The following ATAD3B variants were observed in gnomAD, a reference collection of about 807,000 sequenced individuals.
ATAD3B encodes the protein ATPase family AAA domain containing 3B.
Under a neutral mutation model 70.2 loss-of-function variants are expected in ATAD3B, and 59 were observed. That is an observed-to-expected ratio of 0.84 (90% CI 0.68 to 1.04). The LOEUF is 1.04. Ranked by LOEUF, ATAD3B falls within the 50% of genes least tolerant of loss-of-function variation. The pLI, the probability that ATAD3B is intolerant of heterozygous loss-of-function variation, is 0.00. For synonymous variants in ATAD3B, 423 were observed against 388.6 expected, an observed-to-expected ratio of 1.09 and a Z score of -1.04; for missense variants, 961 against 913.4, an observed-to-expected ratio of 1.05 and a Z score of -0.67.
intron 15 of ATAD3B, among the ~76,000 whole-genome samples, chr1:1,495,273 C>T (rs979950190): frequency 1.3e-5 from 2 of 152,100 alleles, no homozygotes; most frequent in African/African-American, 4.8e-5. Flanking sequence ...AACAGCAGTG[C>T]TGAGGACGCA....
intron 15 of ATAD3B, among the ~76,000 whole-genome samples, chr1:1,492,781 A>G (rs1184102548): frequency 5.9e-5 from 9 of 151,752 alleles, no homozygotes; most frequent in Admixed American, 4.6e-4. Context: ...CTACTAAAAA[A>G]TAAAAAAATT....
At chr1:1,487,089 C>T (rs571816166) in intron 11 of ATAD3B, among the ~76,000 whole-genome samples, 123 of 152,146 alleles carry the variant, frequency 8.1e-4, no homozygotes, top group African/African-American at 2.8e-3. Flanking sequence ...ACAGTGACCC[C>T]GCGCAGGGCA....
rs1243943821 is a variant in ATAD3B at position 1,490,650 on chromosome 1, T to C, written c.1593T>C (p.Ala531=). ...AGGGCATGTCGGGCCGGGAGATCGC[T>C]CAGCTGGCCGTGTCCTGGCAGGTGA... ...LTEGMSGREI[A]QLAVSWQATA... Residue 531 remains alanine, a synonymous_variant, in exon 15 of 16, where the codon GCT becomes GCC. Coordinates refer to ENST00000673477, the MANE Select transcript of ATAD3B (RefSeq NM_031921.6). 2 of 1,598,542 alleles carry C rather than the reference T, an allele frequency of 1.3e-6. No individual in the cohort carries two copies. Among genetic ancestry groups the C allele is most frequent in the South Asian group, 1.1e-5 (1 of 88,932 alleles).
rs908059119 is a variant in ATAD3B at position 1,497,750 on chromosome 1, C to G, written c.*1933C>G. 1 of 150,500 alleles carries G rather than the reference C, an allele frequency of 6.6e-6. No homozygotes were observed. Among genetic ancestry groups the G allele is most frequent in the Admixed American group, 6.6e-5 (1 of 15,052 alleles). 9.3% of individuals were successfully genotyped at this position (150,500 alleles called of 1,614,324 possible). On this transcript the variant is annotated 3_prime_UTR_variant, in exon 16 of 16. Transcript: ENST00000673477. ...GCATGGTGGTAGGTGACTGTAATCC[C>G]AGCTACTCGGGAGGCTGAGGCAGGA...
intron 15 of ATAD3B, among the ~76,000 whole-genome samples, chr1:1,492,986 C>A (rs1286014896): frequency 6.6e-6 from 1 of 151,658 alleles, no homozygotes; most frequent in Non-Finnish European, 1.5e-5. Flanking sequence ...TAGCAGGCAC[C>A]TGTAATCCCA....
downstream of ATAD3B, among the ~76,000 whole-genome samples, chr1:1,498,173 G>A (rs190202630): frequency 9.2e-5 from 14 of 152,056 alleles, no homozygotes; most frequent in African/African-American, 3.4e-4. Context: ...CATGGTGGTA[G>A]GTGACTGTAA....
chr1:1,502,307 C>G (rs1411959938), downstream of ATAD3B, among the ~76,000 whole-genome samples: 1 of 151,524 alleles, frequency 6.6e-6, no homozygotes, highest in East Asian at 1.9e-4. Context: ...CTCCGCCTCC[C>G]GGGTTCACGC....
At chr1:1,490,005 G>A in intron 13 of ATAD3B, 2 of 1,346,848 alleles carry the variant, frequency 1.5e-6, no homozygotes, top group East Asian at 3.1e-5. Flanking sequence ...GCTGGGCGAG[G>A]GTCAGCGGGG....
Position 1,496,006 on chromosome 1 carries a change from G to T in ATAD3B, c.*189G>T. ...GGGGCAGGCGGGGTCTTTGTTCTCG[G>T]CTCCCACAGCAGAGCCAGGTGAGGG... is the stretch of plus-strand genomic sequence containing the variant. On this transcript the variant is annotated 3_prime_UTR_variant, in exon 16 of 16. Coordinates refer to ENST00000673477, the MANE Select transcript of ATAD3B (RefSeq NM_031921.6). The T allele has an allele frequency of 7.4e-7, 1 of 1,346,466 alleles. No homozygotes were observed. 83.4% of individuals were successfully genotyped at this position (1,346,466 alleles called of 1,614,324 possible). A position where few individuals can be genotyped will look rare whatever the true frequency, so the allele number is the denominator to read the frequency against.
At chr1:1,490,071 G>A in intron 13 of ATAD3B, 186 bp from the exon 14 acceptor site, 1 of 1,419,040 alleles carries the variant, frequency 7.0e-7, no homozygotes, top group Non-Finnish European at 9.2e-7. Flanking sequence ...GGGCAGCTGG[G>A]CGTGGTGGGG....
downstream of ATAD3B, among the ~76,000 whole-genome samples, chr1:1,502,286 C>T (rs541832564): frequency 6.6e-6 from 1 of 151,544 alleles, no homozygotes; most frequent in African/African-American, 2.4e-5. Context: ...ATAACCTCGG[C>T]TCACTACAAC....
At chr1:1,485,527 C>CT (rs1640160045) in intron 8 of ATAD3B, among the ~76,000 whole-genome samples, 1 of 152,104 alleles carries the variant, frequency 6.6e-6, no homozygotes, top group Admixed American at 6.6e-5. Context: ...TTGCCAGCCC[C>CT]TGAGGTGCCT....
Position 1,490,496 on chromosome 1 carries a change from TC to T in ATAD3B, c.1506-65del, listed in dbSNP as rs766974633. On this transcript the variant is annotated intron_variant, in intron 14 of 15. Transcript: ENST00000673477. ...ATGGGTGTAGGCCAGCTGCCTGTCT[TC>T]CGGCCTCCACCTCATGGTGTGGGGT... 33 of 1,611,136 alleles carry T rather than the reference TC, an allele frequency of 2.0e-5. No homozygotes were observed. The African/African-American group carries it at 3.9e-4, about 19-fold the overall frequency.
In ATAD3B at chr1:1,485,158, G is replaced by A. The variant is rs778926621; in HGVS notation, c.893G>A (p.Arg298Gln). ...CGCATCACGGTGCTGGAGGCGCTGC[G>A]GCACCCCATCCAGGTAGCGGCGCAG... ...TSRITVLEAL[R>Q]HPIQVSRRLL... Residue 298 changes from arginine to glutamine, a missense_variant, in exon 8 of 16, where the codon CGG becomes CAG. Physicochemically the swap from Arg to Gln is conservative, Grantham distance 43 (BLOSUM62 1). This residue lies in a region of ATAD3B where 349 missense variants were observed against 307.5 expected (regional missense o/e 1.14). Transcript: ENST00000673477. The A allele has an allele frequency of 4.0e-5, 65 of 1,610,272 alleles. 1 individual carries two copies. Among genetic ancestry groups the A allele is most frequent in the Middle Eastern group, 2.2e-4 (1 of 4,568 alleles).
At chr1:1,504,949 T>C in the ATAD3B span, among the ~76,000 whole-genome samples, 164 of 150,798 alleles carry the variant, frequency 1.1e-3, no homozygotes, top group Middle Eastern at 0.017. Flanking sequence ...TGTGTGTGTG[T>C]GCGCGCCAGG....
downstream of ATAD3B, among the ~76,000 whole-genome samples, chr1:1,498,057 C>A (rs1640845470): frequency 6.6e-6 from 1 of 151,736 alleles, no homozygotes; most frequent in Non-Finnish European, 1.5e-5. Flanking sequence ...AATCCCAGCA[C>A]TTTGGGAGGC....
chr1:1,481,955 G>A (rs1639927719), intron 5 of ATAD3B, among the ~76,000 whole-genome samples, 183 bp from the exon 6 acceptor site: 1 of 139,336 alleles, frequency 7.2e-6, no homozygotes, highest in South Asian at 2.2e-4. Context: ...GCCGGTCCGT[G>A]GTGCGGGCCT....
chr1:1,495,540 G>T lies in ATAD3B; in HGVS notation c.1670G>T (p.Cys557Phe). 1.2e-6 allele frequency: 2 copies of T among 1,612,922 alleles called. No individual in the cohort carries two copies. Among genetic ancestry groups the T allele is most frequent in the Non-Finnish European group, 1.7e-6 (2 of 1,179,204 alleles). Residue 557 changes from cysteine (C) to phenylalanine (F), a missense_variant, in exon 16 of 16, where the codon TGT (cysteine) becomes TTT (phenylalanine). Physicochemically the swap from Cys to Phe is radical, Grantham distance 205 (BLOSUM62 -2). Transcript: ENST00000673477. ...CTCACTGAGGCCATGATGGACGCCT[G>T]TGTGCAAGATGCTGTCCAGCAGTAC... ...GVLTEAMMDA[C>F]VQDAVQQYRQ...
rs753559374 is a variant in ATAD3B at position 1,486,624 on chromosome 1, C to T, written c.1170C>T (p.Thr390=). 8.7e-6 allele frequency: 14 copies of T among 1,610,500 alleles called. No individual in the cohort carries two copies. In the East Asian group the frequency reaches 8.9e-5, roughly 10 times the overall value. ...DVAPMGREGV[T]AMHKLFDWAN... Reference sequence around the variant, plus strand: ...CCCCCATGGGGCGGGAAGGCGTGACCGCCATGCACAAGCTCTTTGACTGGG... The same window carrying T: ...CCCCCATGGGGCGGGAAGGCGTGACTGCCATGCACAAGCTCTTTGACTGGG... The change falls in exon 11 of 16, where the codon ACC becomes ACT. Residue 390 remains threonine (T), a synonymous_variant. Transcript: ENST00000673477.
Sources: allele counts gnomAD v4.1 joint callset (sites outside exome capture counted in the v4.1 genomes callset), GRCh38; gene constraint gnomAD v4.1.1; regional missense constraint gnomAD v4.1.1; transcripts MANE v1.5; gene names NCBI Gene and HGNC (gene_info 2026-07-23, HGNC 2026-07-21).